The following RFX3 variants were observed in gnomAD, a reference collection of about 807,000 sequenced individuals.
RFX3 encodes the protein transcription factor RFX3.
In RFX3, 14 loss-of-function variants were observed where a neutral mutation model predicts 98.6. That is an observed-to-expected ratio of 0.14 (90% CI 0.09 to 0.22). RFX3 has a LOEUF of 0.22. Ranked by LOEUF, RFX3 falls within the 10% of genes least tolerant of loss-of-function variation. The probability of loss-of-function intolerance (pLI) is 1.00; values close to 1 mark genes in which losing one functional copy is unlikely to be tolerated. For synonymous variants in RFX3, 383 were observed against 328.4 expected, an observed-to-expected ratio of 1.17 and a Z score of -1.80; for missense variants, 639 against 926.9, an observed-to-expected ratio of 0.69 and a Z score of 4.03.
intron 3 of RFX3, among the ~76,000 whole-genome samples, chr9:3,341,191 G>C (rs572170471): frequency 1.3e-5 from 2 of 151,978 alleles, no homozygotes; most frequent in African/African-American, 4.8e-5. Flanking sequence ...ACTCACAGGC[G>C]GGAATTGAAC....
At chr9:3,317,898 A>G (rs1283699063) in intron 4 of RFX3, among the ~76,000 whole-genome samples, 1 of 152,232 alleles carries the variant, frequency 6.6e-6, no homozygotes, top group Non-Finnish European at 1.5e-5. Flanking sequence ...ATGTGGAGAA[A>G]TAGGAACACT....
intron 1 of RFX3, among the ~76,000 whole-genome samples, chr9:3,504,907 T>TA (rs1362190364): frequency 2.0e-3 from 28 of 14,024 alleles, no homozygotes; most frequent in African/African-American, 5.6e-3. Context: ...ATATTATATA[T>TA]ATATATAATA....
chr9:3,480,733 T>C (rs994343122), intron 1 of RFX3, among the ~76,000 whole-genome samples: 7 of 152,178 alleles, frequency 4.6e-5, no homozygotes, highest in Non-Finnish European at 7.3e-5. Flanking sequence ...CATATGACCT[T>C]AGACAAGTCA....
At position 3,293,163 on chromosome 9, in the gene RFX3, G is replaced by A. The variant is rs374803532; in HGVS notation, c.645C>T (p.His215=). The A allele has an allele frequency of 5.0e-6, 8 of 1,613,438 alleles. No homozygotes were observed. In the African/African-American group the frequency reaches 1.1e-4, roughly 22 times the overall value. Residue 215 remains histidine (H), a synonymous_variant, in exon 6 of 17, where the codon CAC becomes CAT. Coordinates refer to ENST00000617270, the MANE Select transcript of RFX3 (RefSeq NM_001282116.2). ...AGGCAGCATTGACTGGGTCCAGTTTGTGTTCCTGACAGTGTCGAAGGTAGT... is the reference window on the plus strand; with the variant it reads ...AGGCAGCATTGACTGGGTCCAGTTTATGTTCCTGACAGTGTCGAAGGTAGT... ...YNHYLRHCQE[H]KLDPVNAASF...
chr9:3,313,458 T>C (rs1830201340), intron 4 of RFX3, among the ~76,000 whole-genome samples: 1 of 152,202 alleles, frequency 6.6e-6, no homozygotes, highest in Non-Finnish European at 1.5e-5. Flanking sequence ...TCAAAGTGCT[T>C]CTTCTCCTCC....
rs1323019608 is a variant in RFX3, at chr9:3,504,454, A to C, written c.-9+21293T>G. Among the ~76,000 whole-genome samples, 2 of 126,042 alleles carry C rather than the reference A, an allele frequency of 1.6e-5. 1 individual carries two copies. Among genetic ancestry groups the C allele is most frequent in the East Asian group, 5.5e-4 (2 of 3,648 alleles). 82.7% of individuals were successfully genotyped at this position (126,042 alleles called of 152,430 possible). On this transcript the variant is annotated intron_variant, in intron 1 of 16. Coordinates refer to ENST00000617270, the MANE Select transcript of RFX3 (RefSeq NM_001282116.2). ...ATATATTGTATATAAAATATATATT[A>C]TATGCCATATGGTATATATTGTATA...
intron 1 of RFX3, among the ~76,000 whole-genome samples, chr9:3,499,679 T>C (rs1041456798): frequency 6.6e-6 from 1 of 152,112 alleles, no homozygotes; most frequent in Admixed American, 6.6e-5. Context: ...CTAATTTGTA[T>C]TACTTATTTT....
At chr9:3,483,686 A>C (rs1361055623) in intron 1 of RFX3, among the ~76,000 whole-genome samples, 1 of 152,194 alleles carries the variant, frequency 6.6e-6, no homozygotes, top group Non-Finnish European at 1.5e-5. Flanking sequence ...TCTATTAGTA[A>C]AGATCAGCAA....
At chr9:3,228,760 G>C (rs1473317309) in intron 16 of RFX3, 87 bp downstream of exon 16, 1 of 1,026,948 alleles carries the variant, frequency 9.7e-7, no homozygotes. Context: ...CAAAATCAGA[G>C]TGTTGTAAAC....
chr9:3,514,169 C>T (rs143139809), intron 1 of RFX3, among the ~76,000 whole-genome samples: 87 of 152,292 alleles, frequency 5.7e-4, no homozygotes, highest in African/African-American at 1.9e-3. Flanking sequence ...CAAAGAACTT[C>T]ATCAGACAGT....
intron 1 of RFX3, among the ~76,000 whole-genome samples, chr9:3,504,951 T>TATATTATATAATATATATAATATA (rs1564185977): frequency 1.7e-5 from 1 of 59,722 alleles, no homozygotes; most frequent in African/African-American, 9.1e-5. Flanking sequence ...TATAATATAA[T>TATATTATATAATATATATAATATA]ATATATTATA....
At chr9:3,355,272 G>C (rs1028774711) in intron 2 of RFX3, among the ~76,000 whole-genome samples, 5 of 151,856 alleles carry the variant, frequency 3.3e-5, no homozygotes, top group South Asian at 2.1e-4. Context: ...AATTGTCAGA[G>C]TGGGTAAAAA....
intron 4 of RFX3, among the ~76,000 whole-genome samples, chr9:3,305,982 T>C (rs909383805): frequency 3.3e-5 from 5 of 152,112 alleles, no homozygotes; most frequent in Non-Finnish European, 5.9e-5. Context: ...TCCAGTTTAT[T>C]GTGGATCACT....
At chr9:3,285,212 A>C (rs1444345987) in intron 7 of RFX3, among the ~76,000 whole-genome samples, 1 of 151,786 alleles carries the variant, frequency 6.6e-6, no homozygotes, top group Non-Finnish European at 1.5e-5. Flanking sequence ...GCATTTAATA[A>C]ACCTTCAAGT....
rs1817352747 is a variant in RFX3 at position 3,221,770 on chromosome 9, A to G, written c.*3272T>C. 6.6e-6 allele frequency: 1 copy of G among 152,188 alleles called. No individual in the cohort carries two copies. Among genetic ancestry groups the G allele is most frequent in the South Asian group, 2.1e-4 (1 of 4,832 alleles). 9.4% of individuals were successfully genotyped at this position (152,188 alleles called of 1,614,324 possible). ...AGTATGATTTTCAAACTATATGTCA[A>G]GATCAAACTATACCCATGATACTCA... On this transcript the variant is annotated 3_prime_UTR_variant, in exon 17 of 17. Transcript: ENST00000617270.
At chr9:3,426,518 A>AGAGGTGAGCAG (rs1263899545) in intron 1 of RFX3, among the ~76,000 whole-genome samples, 1 of 152,066 alleles carries the variant, frequency 6.6e-6, no homozygotes, top group Non-Finnish European at 1.5e-5. Flanking sequence ...GAGGTGAGCA[A>AGAGGTGAGCAG]GAGGTGAGCA....
intron 2 of RFX3, 140 bp downstream of exon 2, chr9:3,395,332 A>T: frequency 1.1e-6 from 1 of 905,076 alleles, no homozygotes; most frequent in African/African-American, 1.6e-5. Context: ...CTCAAGAAAC[A>T]TTTGCTGAAT....
At chr9:3,437,448 G>A (rs192552671) in intron 1 of RFX3, among the ~76,000 whole-genome samples, 346 of 152,160 alleles carry the variant, frequency 2.3e-3, no homozygotes, top group African/African-American at 8.1e-3. Flanking sequence ...GAATGAACAA[G>A]AATACCCTGA....
intron 1 of RFX3, among the ~76,000 whole-genome samples, chr9:3,410,124 G>T (rs565051772): frequency 2.7e-5 from 4 of 148,604 alleles, no homozygotes; most frequent in Non-Finnish European, 5.9e-5. Context: ...GTAAGGCTCT[G>T]TTTCAGGGTG....
Sources: allele counts gnomAD v4.1 joint callset (sites outside exome capture counted in the v4.1 genomes callset), GRCh38; gene constraint gnomAD v4.1.1; transcripts MANE v1.5; gene names NCBI Gene and HGNC (gene_info 2026-07-23, HGNC 2026-07-21).